The following CRPPA variants were observed in gnomAD, a reference collection of about 807,000 sequenced individuals.
The protein encoded by CRPPA is CDP-L-ribitol pyrophosphorylase A.
CRPPA carries 43 observed loss-of-function variants against 52.0 expected under a neutral mutation model. The observed-to-expected ratio is 0.83, with a 90% confidence interval of 0.65 to 1.07. The LOEUF is 1.07. Ranked by LOEUF, CRPPA falls within the 50% of genes least tolerant of loss-of-function variation. The pLI, the probability that CRPPA is intolerant of heterozygous loss-of-function variation, is 0.00. For missense variants in CRPPA, 629 were observed against 551.7 expected (o/e 1.14, Z -1.40); for synonymous variants, 250 against 203.5 (o/e 1.23, Z -1.94).
intron 3 of CRPPA, among the ~76,000 whole-genome samples, chr7:16,327,388 C>T (rs1309269756): frequency 6.6e-6 from 1 of 151,124 alleles, no homozygotes; most frequent in African/African-American, 2.4e-5. Context: ...GTCAGGAGAT[C>T]GAGACCATCC....
chr7:16,300,219 T>C (rs990859823), intron 5 of CRPPA, among the ~76,000 whole-genome samples: 2 of 152,290 alleles, frequency 1.3e-5, no homozygotes, highest in East Asian at 3.9e-4. Flanking sequence ...AACAAATACA[T>C]TGTCATGATC....
intron 1 of CRPPA, among the ~76,000 whole-genome samples, chr7:16,416,669 T>C (rs1212887182): frequency 1.5e-5 from 2 of 136,990 alleles, no homozygotes; most frequent in African/African-American, 2.7e-5. Context: ...ACCCCATTTC[T>C]ACAAACAAAT....
intron 3 of CRPPA, among the ~76,000 whole-genome samples, chr7:16,339,241 A>G (rs927566157): frequency 2.0e-5 from 3 of 152,168 alleles, no homozygotes; most frequent in Admixed American, 6.5e-5. Context: ...AAGACATTAT[A>G]AGAAAAAAAA....
chr7:16,403,442 T>C (rs6947706), intron 2 of CRPPA, among the ~76,000 whole-genome samples: 7,996 of 152,214 alleles, frequency 0.053, 299 homozygotes, highest in Non-Finnish European at 0.08. Flanking sequence ...GAGTTATTGT[T>C]AGCATACATA....
At chr7:16,343,117 A>C (rs1256679501) in intron 3 of CRPPA, among the ~76,000 whole-genome samples, 1 of 152,058 alleles carries the variant, frequency 6.6e-6, no homozygotes, top group Non-Finnish European at 1.5e-5. Context: ...TTTTACGGGG[A>C]CTGAATCAGC....
chr7:16,281,993 T>C (rs1167492622), intron 5 of CRPPA, among the ~76,000 whole-genome samples: 1 of 152,204 alleles, frequency 6.6e-6, no homozygotes, highest in African/African-American at 2.4e-5. Flanking sequence ...TTTATTACTG[T>C]CATCCGAGGA....
intron 5 of CRPPA, among the ~76,000 whole-genome samples, chr7:16,285,973 T>G (rs1360109785): frequency 7.4e-5 from 9 of 121,524 alleles, no homozygotes; most frequent in Admixed American, 2.6e-4. Flanking sequence ...TGAGCCAAGA[T>G]TGCACCACTG....
At chr7:16,182,599 C>A (rs1054079390) in intron 9 of CRPPA, among the ~76,000 whole-genome samples, 7 of 150,724 alleles carry the variant, frequency 4.6e-5, no homozygotes, top group Non-Finnish European at 8.9e-5. Context: ...TAGGTCTGTA[C>A]AGAGCATCTA....
chr7:16,338,146 A>G (rs1785733466), intron 3 of CRPPA, among the ~76,000 whole-genome samples: 1 of 152,240 alleles, frequency 6.6e-6, no homozygotes, highest in South Asian at 2.1e-4. Context: ...CAAAGAAAAA[A>G]ATATTAGCAA....
intron 9 of CRPPA, among the ~76,000 whole-genome samples, chr7:16,169,172 A>G (rs1781127566): frequency 6.6e-6 from 1 of 152,220 alleles, no homozygotes; most frequent in South Asian, 2.1e-4. Context: ...TACCTAGCTT[A>G]TATCTTCCAA....
At chr7:16,233,229 T>A (rs1216384620) in intron 8 of CRPPA, among the ~76,000 whole-genome samples, 1 of 152,026 alleles carries the variant, frequency 6.6e-6, no homozygotes, top group African/African-American at 2.4e-5. Flanking sequence ...AAACAGGTAA[T>A]AAGAGTTGCC....
chr7:16,362,385 T>C (rs1040428169), intron 3 of CRPPA, among the ~76,000 whole-genome samples: 2 of 152,140 alleles, frequency 1.3e-5, no homozygotes, highest in South Asian at 2.1e-4. Flanking sequence ...TGTCCTCACA[T>C]GGCAGAAGAG....
At chr7:16,326,129 C>G (rs116805821) in intron 3 of CRPPA, among the ~76,000 whole-genome samples, 1 of 150,918 alleles carries the variant, frequency 6.6e-6, no homozygotes, top group Non-Finnish European at 1.5e-5. Context: ...ACCTCCAACT[C>G]CAAGTCCTCT....
intron 2 of CRPPA, among the ~76,000 whole-genome samples, chr7:16,389,444 G>A (rs1034001832): frequency 1.3e-5 from 2 of 150,556 alleles, no homozygotes; most frequent in Non-Finnish European, 3.0e-5. Context: ...ATACCAGATC[G>A]GTTCAACATA....
intron 2 of CRPPA, among the ~76,000 whole-genome samples, chr7:16,377,326 T>C (rs1214338558): frequency 6.6e-6 from 1 of 152,158 alleles, no homozygotes; most frequent in Non-Finnish European, 1.5e-5. Flanking sequence ...GTAGGTCAAC[T>C]GGTCAAGCCC....
intron 9 of CRPPA, among the ~76,000 whole-genome samples, chr7:16,128,851 A>C (rs561958204): frequency 3.9e-5 from 6 of 152,320 alleles, no homozygotes; most frequent in Non-Finnish European, 8.8e-5. Flanking sequence ...AAATGAGTAG[A>C]AGAAAAGAAA....
intron 3 of CRPPA, among the ~76,000 whole-genome samples, chr7:16,348,678 T>C (rs1786075242): frequency 6.6e-6 from 1 of 152,190 alleles, no homozygotes; most frequent in Non-Finnish European, 1.5e-5. Context: ...CATTGGTTAA[T>C]TAGTGGTCTG....
intron 8 of CRPPA, among the ~76,000 whole-genome samples, chr7:16,242,203 C>A (rs1329207439): frequency 6.6e-6 from 1 of 152,010 alleles, no homozygotes; most frequent in Admixed American, 6.6e-5. Context: ...ATCTGCCCAC[C>A]TCTGCCTCCC....
intron 3 of CRPPA, among the ~76,000 whole-genome samples, chr7:16,352,834 G>A (rs1378048632): frequency 6.6e-6 from 1 of 150,732 alleles, no homozygotes; most frequent in Non-Finnish European, 1.5e-5. Context: ...CCAAGATATG[G>A]AAACAACTTA....
Sources: gnomAD v4.1 joint callset for allele counts (sites outside exome capture counted in the v4.1 genomes callset) on GRCh38, gnomAD v4.1.1 for gene constraint, MANE v1.5 for transcripts, NCBI Gene and HGNC (gene_info 2026-07-23, HGNC 2026-07-21) for gene names.